The following COL5A1 variants were observed in gnomAD, a reference collection of about 807,000 sequenced individuals.
The protein encoded by COL5A1 is collagen alpha-1(V) chain.
Under a neutral mutation model 263.7 loss-of-function variants are expected in COL5A1, and 16 were observed. That is an observed-to-expected ratio of 0.06 (90% CI 0.04 to 0.09). COL5A1 has a LOEUF of 0.09. COL5A1 is among the 10% of genes least tolerant of loss of function. The pLI is 1.00. For synonymous variants in COL5A1, 1,012 were observed against 1,004.5 expected (o/e 1.01, Z -0.14); for missense variants, 2,036 against 2,540.5 (o/e 0.80, Z 4.27).
chr9:134,729,245 C>G (rs1439936949), intron 6 of COL5A1, among the ~76,000 whole-genome samples: 1 of 152,196 alleles, frequency 6.6e-6, no homozygotes, highest in Non-Finnish European at 1.5e-5. Flanking sequence ...TCTGGGCTGT[C>G]ATCCCCTCAC....
At position 134,818,987 on chromosome 9, in the gene COL5A1, C is replaced by G; in HGVS notation, c.4393-13C>G. 6.2e-7 allele frequency: 1 copy of G among 1,613,414 alleles called. No homozygotes were observed. The highest frequency in any genetic ancestry group is 8.5e-7 in the Non-Finnish European group (1 of 1,179,958). ...AAGGATGAGGACTCTGATCCCCCTG[C>G]CTCCTCCCACAGGGTCCCCCAGGAC... On this transcript the variant is annotated splice_polypyrimidine_tract_variant and intron_variant, in intron 56 of 65. Coordinates refer to ENST00000371817, the MANE Select transcript of COL5A1 (RefSeq NM_000093.5). The surrounding 1 kb of genome is among the most constrained non-coding windows in gnomAD (Gnocchi z 6.0).
chr9:134,809,045 T>G, intron 42 of COL5A1, 138 bp from the exon 43 acceptor site: 1 of 789,948 alleles, frequency 1.3e-6, no homozygotes, highest in Non-Finnish European at 2.2e-6. Context: ...CTGGCTGAAA[T>G]CCATTAGGAC....
intron 1 of COL5A1, chr9:134,649,394 C>T (rs1831590783): frequency 2.4e-6 from 1 of 423,924 alleles, no homozygotes; most frequent in South Asian, 1.8e-5. Context: ...CCACTTTTCT[C>T]AAAATTTAAT....
chr9:134,754,325 G>T lies in COL5A1; in HGVS notation c.1826G>T (p.Arg609Leu), dbSNP rs188430069. 6.2e-7 allele frequency: 1 copy of T among 1,613,926 alleles called. No homozygotes were observed. Among genetic ancestry groups the T allele is most frequent in the Non-Finnish European group, 8.5e-7 (1 of 1,180,048 alleles). The change falls in exon 16 of 66, where the codon CGG becomes CTG. Residue 609 changes from arginine (R) to leucine (L), a missense_variant and splice_region_variant. Around this residue, in one of 3 missense-constraint regions of COL5A1, gnomAD observed 1,078 missense variants for 1,521.4 expected, o/e 0.71. Transcript: ENST00000371817. This position sits in a 1 kb window ranked among gnomAD's most constrained non-coding sequence, Gnocchi z 4.3. The stretch of plus-strand genomic sequence containing the variant: ...GGTCCGGCCGGGAAGCCCGGAAGAC[G>T]GGTGAGTGGTGCGAGTGTGTGTGGT... ...PPGPAGKPGR[R>L]GRAGSDGARG...
At position 134,741,373 on chromosome 9, in the gene COL5A1, A is replaced by G. The variant is rs1035685754; in HGVS notation, c.1494+2565A>G. ...AAAAAGTGCTTGGGTTCGGGAGCATATATACCATTTTAACAAGCAGCAATA... is the reference window on the plus strand; with the variant it reads ...AAAAAGTGCTTGGGTTCGGGAGCATGTATACCATTTTAACAAGCAGCAATA... On this transcript the variant is annotated intron_variant, in intron 11 of 65. Transcript: ENST00000371817. The surrounding 1 kb of genome is among the most constrained non-coding windows in gnomAD (Gnocchi z 4.5). 1.3e-5 allele frequency among the ~76,000 whole-genome samples: 2 copies of G among 152,336 alleles called. No individual in the cohort carries two copies. Among genetic ancestry groups the G allele is most frequent in the Non-Finnish European group, 2.9e-5 (2 of 68,032 alleles).
At chr9:134,828,558 C>T (rs928186217) in intron 63 of COL5A1, among the ~76,000 whole-genome samples, 2 of 149,836 alleles carry the variant, frequency 1.3e-5, no homozygotes, top group Non-Finnish European at 3.0e-5. Flanking sequence ...ATACGCACCA[C>T]ACACACAATA....
intron 5 of COL5A1, among the ~76,000 whole-genome samples, chr9:134,727,605 A>G (rs986296853): frequency 7.9e-5 from 12 of 152,222 alleles, no homozygotes; most frequent in Non-Finnish European, 1.3e-4. Flanking sequence ...TTTGTCATCA[A>G]TAACCCTCTC....
chr9:134,744,593 GCA>G (rs1835419160), intron 11 of COL5A1, among the ~76,000 whole-genome samples: 1 of 139,916 alleles, frequency 7.1e-6, no homozygotes, highest in South Asian at 2.3e-4. Context: ...ACTTACACAT[GCA>G]CACTCACCCA....
At chr9:134,756,853 T>C (rs746342074) in intron 17 of COL5A1, 35 bp downstream of exon 17, 120 of 1,600,554 alleles carry the variant, frequency 7.5e-5, no homozygotes, top group Non-Finnish European at 9.4e-5. Context: ...TGCCCTGGCA[T>C]CACTGTCATC....
chr9:134,836,183 C>T (rs1839849818), intron 65 of COL5A1, among the ~76,000 whole-genome samples: 1 of 152,104 alleles, frequency 6.6e-6, no homozygotes, highest in Non-Finnish European at 1.5e-5. Context: ...CCCAGCTCTG[C>T]AGGCTGTCCA....
chr9:134,807,358 A>G (rs946275132), intron 42 of COL5A1, among the ~76,000 whole-genome samples: 1 of 152,164 alleles, frequency 6.6e-6, no homozygotes, highest in African/African-American at 2.4e-5. Flanking sequence ...CAGTGGCGCA[A>G]TCTCGGCTCA....
intron 63 of COL5A1, among the ~76,000 whole-genome samples, chr9:134,826,580 G>GGA (rs1839271978): frequency 6.7e-6 from 1 of 149,442 alleles, no homozygotes; most frequent in African/African-American, 2.5e-5. Context: ...TAGATGCTGT[G>GGA]TGGTTTTGTA....
intron 51 of COL5A1, 44 bp from the exon 52 acceptor site, chr9:134,815,891 G>A (rs1022479279): frequency 1.9e-6 from 3 of 1,609,176 alleles, no homozygotes; most frequent in African/African-American, 2.7e-5. Context: ...TGAACTCAGG[G>A]TGCCATCCGG....
chr9:134,705,206 A>G (rs1162365721), intron 4 of COL5A1, among the ~76,000 whole-genome samples: 2 of 152,236 alleles, frequency 1.3e-5, no homozygotes, highest in African/African-American at 4.8e-5. Flanking sequence ...GTCCAAAGTG[A>G]TGCGCCCTTG....
intron 26 of COL5A1, 23 bp from the exon 27 acceptor site, chr9:134,774,836 G>A (rs1189532298): frequency 2.2e-5 from 35 of 1,612,266 alleles, no homozygotes; most frequent in Non-Finnish European, 2.7e-5. Flanking sequence ...TGGGGCTAAC[G>A]GTCTTTTTCT....
intron 9 of COL5A1, among the ~76,000 whole-genome samples, chr9:134,734,082 A>T (rs1835004556): frequency 6.7e-6 from 1 of 149,516 alleles, no homozygotes; most frequent in Admixed American, 6.6e-5. Context: ...TGGCTCTGTG[A>T]GTGTAGACGT....
chr9:134,660,159 A>G (rs556516754), intron 1 of COL5A1, among the ~76,000 whole-genome samples: 18 of 152,240 alleles, frequency 1.2e-4, no homozygotes, highest in Admixed American at 1.2e-3. Context: ...TGAGAGAAGC[A>G]GTGCCCCAGG....
intron 11 of COL5A1, among the ~76,000 whole-genome samples, chr9:134,743,775 C>G (rs566776284): frequency 2.1e-4 from 32 of 152,246 alleles, no homozygotes; most frequent in African/African-American, 7.5e-4. Flanking sequence ...TTCTCCCCCT[C>G]TTTTTTATGT....
intron 32 of COL5A1, 30 bp from the exon 33 acceptor site, chr9:134,795,052 G>A (rs1279598196): frequency 6.2e-6 from 10 of 1,612,748 alleles, no homozygotes; most frequent in Non-Finnish European, 7.6e-6. Context: ...CATTTAGAGA[G>A]TGACTGACCA....
Sources: gnomAD v4.1 joint callset for allele counts (sites outside exome capture counted in the v4.1 genomes callset) on GRCh38, gnomAD v4.1.1 for gene constraint, gnomAD v4.1.1 regional missense constraint, Gnocchi (gnomAD v3.1) non-coding constraint, MANE v1.5 for transcripts, NCBI Gene and HGNC (gene_info 2026-07-23, HGNC 2026-07-21) for gene names.